DSG2: variants seen among roughly 807,000 people sequenced by gnomAD.
DSG2 encodes desmoglein-2.
DSG2 carries 45 observed loss-of-function variants against 75.6 expected under a neutral mutation model. The ratio of observed to expected loss-of-function variants is 0.60; its 90% CI spans 0.47 to 0.76. The LOEUF (loss-of-function observed/expected upper bound fraction) is 0.76, where lower values mean the gene tolerates loss of function less well. DSG2 is among the 30% of genes least tolerant of loss of function. DSG2 has a pLI of 0.00. For synonymous variants in DSG2, 429 were observed against 483.9 expected (o/e 0.89, Z 1.49); for missense variants, 1,267 against 1,357.4 (o/e 0.93, Z 1.05).
intron 5 of DSG2, 65 bp from the exon 6 acceptor site, chr18:31,522,018 T>C (rs1373468159): frequency 2.0e-6 from 3 of 1,481,914 alleles, no homozygotes; most frequent in Non-Finnish European, 2.8e-6. Context: ...AAATTATAAA[T>C]AAAATAACAG....
At chr18:31,522,322 T>C in intron 6 of DSG2, 73 bp downstream of exon 6, 4 of 1,439,130 alleles carry the variant, frequency 2.8e-6, no homozygotes, top group Non-Finnish European at 2.9e-6. Context: ...TTTTCTTTTC[T>C]AATTTTCTTA....
In DSG2 at chr18:31,522,192, C is replaced by CT; in HGVS notation, c.634dup (p.Tyr212LeufsTer4). The CT allele has an allele frequency of 6.2e-7, 1 of 1,613,824 alleles. No individual in the cohort carries two copies. The highest frequency in any genetic ancestry group is 1.1e-5 in the South Asian group (1 of 91,074). On this transcript the variant is annotated frameshift_variant, in exon 6 of 15. Transcript: ENST00000261590. LOFTEE classifies it high-confidence loss of function. ...TGGAGCCTGCTTATCCTCCAGTGTT[C>CT]TACCTAAATAAAGATACAGGAGAGA...
chr18:31,501,817 T>C (rs2073015271), intron 1 of DSG2, among the ~76,000 whole-genome samples: 1 of 152,204 alleles, frequency 6.6e-6, no homozygotes, highest in Non-Finnish European at 1.5e-5. Flanking sequence ...GAGGTACTGG[T>C]GGTTAGCACT....
rs939595021 is a variant in DSG2 at position 31,503,059 on chromosome 18, G to A, written c.45+4763G>A. 2.0e-5 allele frequency among the ~76,000 whole-genome samples: 3 copies of A among 152,254 alleles called. 1 individual carries two copies. Among genetic ancestry groups the A allele is most frequent in the African/African-American group, 7.2e-5 (3 of 41,526 alleles). Reference sequence around the variant, plus strand: ...GAACAACAGAATTCCTACCGTGGTCGATAGTGAGATGAGAAATGTCCATAA... The same window carrying A: ...GAACAACAGAATTCCTACCGTGGTCAATAGTGAGATGAGAAATGTCCATAA... On this transcript the variant is annotated intron_variant, in intron 1 of 14. Transcript: ENST00000261590.
intron 1 of DSG2, among the ~76,000 whole-genome samples, chr18:31,514,357 A>G (rs182527157): frequency 1.2e-4 from 18 of 152,338 alleles, no homozygotes; most frequent in African/African-American, 3.6e-4. Flanking sequence ...GATGTTAGCT[A>G]TATGGGTGTG....
chr18:31,545,261 T>C (rs541832512), intron 14 of DSG2, among the ~76,000 whole-genome samples: 2 of 152,356 alleles, frequency 1.3e-5, no homozygotes, highest in Admixed American at 1.3e-4. Context: ...ATAAACATTT[T>C]GCCACATTTG....
chr18:31,537,542 C>G (rs1468782520), intron 11 of DSG2, among the ~76,000 whole-genome samples: 1 of 151,332 alleles, frequency 6.6e-6, no homozygotes, highest in Non-Finnish European at 1.5e-5. Flanking sequence ...TGGCATGAAC[C>G]CAGAAGGCAG....
intron 14 of DSG2, among the ~76,000 whole-genome samples, chr18:31,543,650 G>C (rs1363154392): frequency 1.3e-5 from 2 of 152,154 alleles, no homozygotes; most frequent in African/African-American, 4.8e-5. Context: ...CAGATCACTT[G>C]AGCCCAGAAG....
intron 8 of DSG2, among the ~76,000 whole-genome samples, chr18:31,525,259 C>T (rs1426891913): frequency 6.6e-6 from 1 of 152,110 alleles, no homozygotes; most frequent in African/African-American, 2.4e-5. Context: ...AAGAGTAAAG[C>T]CAGCCCCACA....
At chr18:31,519,172 A>G (rs926332335) in intron 2 of DSG2, among the ~76,000 whole-genome samples, 6 of 152,140 alleles carry the variant, frequency 3.9e-5, no homozygotes. Flanking sequence ...ATGATCTGTT[A>G]TTTTTTACTT....
intron 1 of DSG2, among the ~76,000 whole-genome samples, chr18:31,516,154 G>A (rs1202109877): frequency 6.6e-6 from 1 of 151,748 alleles, no homozygotes; most frequent in Non-Finnish European, 1.5e-5. Context: ...TTTTTTTTAA[G>A]ATAAGGAAAA....
In DSG2 at chr18:31,546,327, A is replaced by T; in HGVS notation, c.2941A>T (p.Asn981Tyr). 2 of 1,609,456 alleles carry T rather than the reference A, an allele frequency of 1.2e-6. No homozygotes were observed. The highest frequency in any genetic ancestry group is 8.5e-7 in the Non-Finnish European group (1 of 1,176,938). ...ASTLVDQPYANEGTVVVTERV... is the reference protein window; with the variant it reads ...ASTLVDQPYAYEGTVVVTERV... ...TACCTTGGTAGATCAGCCTTATGCT[A>T]ATGAAGGTACAGTTGTGGTCACTGA... The change falls in exon 15 of 15, where the codon AAT (asparagine) becomes TAT (tyrosine). Residue 981 changes from asparagine to tyrosine, a missense_variant. Physicochemically the swap from Asn to Tyr is moderately radical, Grantham distance 143. Coordinates refer to ENST00000261590, the MANE Select transcript of DSG2 (RefSeq NM_001943.5).
intron 3 of DSG2, among the ~76,000 whole-genome samples, chr18:31,520,462 A>AT (rs201987953): frequency 6.6e-6 from 1 of 151,934 alleles, no homozygotes; most frequent in Admixed American, 6.6e-5. Context: ...TAAACCCTTC[A>AT]TTTTTTTCCC....
At chr18:31,502,792 G>A (rs1226074303) in intron 1 of DSG2, among the ~76,000 whole-genome samples, 2 of 151,856 alleles carry the variant, frequency 1.3e-5, no homozygotes, top group African/African-American at 4.8e-5. Flanking sequence ...AAGGGAGGGA[G>A]GGAGGAAGGA....
intron 6 of DSG2, among the ~76,000 whole-genome samples, chr18:31,523,094 G>T (rs998417044): frequency 6.6e-6 from 1 of 152,154 alleles, no homozygotes; most frequent in Non-Finnish European, 1.5e-5. Flanking sequence ...AGTGCACTAC[G>T]TTCAGTATTT....
intron 1 of DSG2, among the ~76,000 whole-genome samples, chr18:31,507,750 T>A (rs1409422574): frequency 2.0e-5 from 3 of 152,238 alleles, no homozygotes; most frequent in Non-Finnish European, 4.4e-5. Flanking sequence ...GTTCATATCC[T>A]TCACCCACCT....
intron 8 of DSG2, among the ~76,000 whole-genome samples, chr18:31,529,918 T>C (rs2073184160): frequency 6.6e-6 from 1 of 152,190 alleles, no homozygotes; most frequent in African/African-American, 2.4e-5. Flanking sequence ...GAAATTGTGA[T>C]AGCCCAAATG....
chr18:31,525,691 T>C (rs2073159142), intron 8 of DSG2, among the ~76,000 whole-genome samples: 1 of 152,202 alleles, frequency 6.6e-6, no homozygotes, highest in African/African-American at 2.4e-5. Context: ...ATTGGGCAGG[T>C]TTCAGGAACT....
chr18:31,523,090 C>T (rs901438852), intron 6 of DSG2, among the ~76,000 whole-genome samples: 2 of 152,176 alleles, frequency 1.3e-5, no homozygotes, highest in African/African-American at 2.4e-5. Context: ...TCCAAGTGCA[C>T]TACGTTCAGT....
Sources: gnomAD v4.1 joint callset for allele counts (sites outside exome capture counted in the v4.1 genomes callset) on GRCh38, gnomAD v4.1.1 for gene constraint, MANE v1.5 for transcripts, NCBI Gene and HGNC (gene_info 2026-07-23, HGNC 2026-07-21) for gene names.